The following KCTD8 variants were observed in gnomAD, a reference collection of about 807,000 sequenced individuals.
The protein encoded by KCTD8 is BTB/POZ domain-containing protein KCTD8.
A neutral mutation model predicts 31.5 loss-of-function variants in KCTD8; 27 were observed. That is an observed-to-expected ratio of 0.86 (90% confidence interval 0.63 to 1.18). The LOEUF (loss-of-function observed/expected upper bound fraction) is 1.18. Among genes scored for constraint, KCTD8 ranks in the 50% most tolerant of loss-of-function variants. The pLI, the probability that KCTD8 is intolerant of heterozygous loss-of-function variation, is 0.00. For synonymous variants in KCTD8, 290 were observed against 280.0 expected (o/e 1.04, Z -0.36); for missense variants, 658 against 647.7 (o/e 1.02, Z -0.17).
chr4:44,416,110 G>A (rs991613811), intron 1 of KCTD8, among the ~76,000 whole-genome samples: 2 of 152,216 alleles, frequency 1.3e-5, no homozygotes, highest in African/African-American at 4.8e-5. Context: ...TGCAGGACAT[G>A]GAGTCAAAGG....
intron 1 of KCTD8, among the ~76,000 whole-genome samples, chr4:44,439,426 A>G (rs1004981527): frequency 8.5e-5 from 13 of 152,190 alleles, no homozygotes; most frequent in African/African-American, 3.1e-4. Context: ...TTTTGAACAT[A>G]CATTTAACTA....
intron 1 of KCTD8, among the ~76,000 whole-genome samples, chr4:44,246,890 G>C (rs1017075367): frequency 2.0e-5 from 3 of 151,856 alleles, no homozygotes; most frequent in Non-Finnish European, 2.9e-5. Context: ...TCTCTTCTTT[G>C]CTATTCCATT....
intron 1 of KCTD8, among the ~76,000 whole-genome samples, chr4:44,294,235 G>C (rs1254647162): frequency 6.6e-6 from 1 of 152,086 alleles, no homozygotes; most frequent in Non-Finnish European, 1.5e-5. Flanking sequence ...TCTGGTCCCT[G>C]TTGTCCTGTG....
Position 44,236,492 on chromosome 4 carries a change from C to A in KCTD8, c.962-61242G>T, listed in dbSNP as rs193123043. Among the ~76,000 whole-genome samples the A allele has an allele frequency of 4.6e-3, 704 of 152,200 alleles. 4 individuals are homozygous for A. Among genetic ancestry groups the A allele is most frequent in the Non-Finnish European group, 7.6e-3 (514 of 68,028 alleles). On this transcript the variant is annotated intron_variant, in intron 1 of 1. Coordinates refer to ENST00000360029, the MANE Select transcript of KCTD8 (RefSeq NM_198353.3). ...TTTGGAAGGTGTATTTATTTATTCC[C>A]ATTCTGTTTAGGTCTTTAAATAATT...
At chr4:44,319,571 A>G (rs572500870) in intron 1 of KCTD8, among the ~76,000 whole-genome samples, 1 of 152,262 alleles carries the variant, frequency 6.6e-6, no homozygotes, top group South Asian at 2.1e-4. Context: ...CTTCTACGCC[A>G]TGAGCCCTTC....
intron 1 of KCTD8, among the ~76,000 whole-genome samples, chr4:44,406,865 G>C (rs189644353): frequency 2.0e-5 from 3 of 152,248 alleles, no homozygotes; most frequent in Admixed American, 1.3e-4. Flanking sequence ...AAATGTTTCT[G>C]TTCTCAGGTT....
chr4:44,443,522 T>C (rs1427013010), intron 1 of KCTD8, among the ~76,000 whole-genome samples: 1 of 152,160 alleles, frequency 6.6e-6, no homozygotes, highest in Non-Finnish European at 1.5e-5. Flanking sequence ...AAAAATTCAT[T>C]AAGACAAATT....
At chr4:44,327,461 T>C (rs969027682) in intron 1 of KCTD8, among the ~76,000 whole-genome samples, 3 of 151,890 alleles carry the variant, frequency 2.0e-5, no homozygotes, top group African/African-American at 4.8e-5. Flanking sequence ...TAATAAAGAA[T>C]GTTTGTATAA....
intron 1 of KCTD8, among the ~76,000 whole-genome samples, chr4:44,337,682 T>TAAA (rs1718787154): frequency 6.8e-6 from 1 of 146,926 alleles, no homozygotes; most frequent in South Asian, 2.1e-4. Context: ...TCAAAAAATA[T>TAAA]ATATATATAT....
chr4:44,288,999 A>T (rs528533767), intron 1 of KCTD8, among the ~76,000 whole-genome samples: 18 of 151,568 alleles, frequency 1.2e-4, no homozygotes, highest in South Asian at 2.1e-4. Context: ...TATATATATA[A>T]AAATTTAGTC....
chr4:44,298,770 C>T (rs1238000306), intron 1 of KCTD8, among the ~76,000 whole-genome samples: 1 of 152,146 alleles, frequency 6.6e-6, no homozygotes, highest in Non-Finnish European at 1.5e-5. Context: ...CAGGTGACAA[C>T]ATTTCTGGTC....
intron 1 of KCTD8, among the ~76,000 whole-genome samples, chr4:44,303,624 T>C (rs1472104525): frequency 3.3e-5 from 5 of 152,034 alleles, no homozygotes; most frequent in African/African-American, 1.2e-4. Context: ...AAGACCAGCC[T>C]GGGCAACATA....
chr4:44,429,836 G>A (rs971176939), intron 1 of KCTD8, among the ~76,000 whole-genome samples: 10 of 151,678 alleles, frequency 6.6e-5, no homozygotes, highest in African/African-American at 2.2e-4. Flanking sequence ...AGAAGGGATA[G>A]TTCCTCTACT....
Position 44,447,552 on chromosome 4 carries a change from T to G in KCTD8, c.961+11A>C, listed in dbSNP as rs1376426676. The G allele has an allele frequency of 2.0e-6, 3 of 1,537,962 alleles. No homozygotes were observed. The highest frequency in any genetic ancestry group is 1.8e-6 in the Non-Finnish European group (2 of 1,136,778). ...GAGGGGTGCTGGGAAACGCCGGGGC[T>G]GCGAACTTACGGAAGAAAATGTACT... On this transcript the variant is annotated intron_variant, in intron 1 of 1. Coordinates refer to ENST00000360029, the MANE Select transcript of KCTD8 (RefSeq NM_198353.3).
chr4:44,233,382 A>G (rs1480779337), intron 1 of KCTD8, among the ~76,000 whole-genome samples: 1 of 152,116 alleles, frequency 6.6e-6, no homozygotes. Flanking sequence ...TCTAATAATC[A>G]CAAATACAAT....
At position 44,236,816 on chromosome 4, in the gene KCTD8, GGAACAGATGGGAGA is replaced by G. The variant is rs573194302; in HGVS notation, c.962-61580_962-61567del. ...CCATAATTACCACATGTTGTGGGAGGGAACAGATGGGAGAGAACTGAATCGTGGGGGCAGTTTCC... is the reference window on the plus strand; with the variant it reads ...CCATAATTACCACATGTTGTGGGAGGGAACTGAATCGTGGGGGCAGTTTCC... On this transcript the variant is annotated intron_variant, in intron 1 of 1. Coordinates refer to ENST00000360029, the MANE Select transcript of KCTD8 (RefSeq NM_198353.3). Among the ~76,000 whole-genome samples, 69 of 152,158 alleles carry G rather than the reference GGAACAGATGGGAGA, an allele frequency of 4.5e-4. 1 individual carries two copies. In the East Asian group the frequency reaches 0.012, roughly 27 times the overall value.
intron 1 of KCTD8, among the ~76,000 whole-genome samples, chr4:44,302,639 A>G (rs1294192793): frequency 6.6e-6 from 1 of 151,986 alleles, no homozygotes; most frequent in African/African-American, 2.4e-5. Context: ...GGGGTTTTCT[A>G]GATATACAAT....
intron 1 of KCTD8, among the ~76,000 whole-genome samples, chr4:44,222,574 G>A (rs1484448656): frequency 6.6e-6 from 1 of 152,162 alleles, no homozygotes; most frequent in Non-Finnish European, 1.5e-5. Flanking sequence ...GATACCTGGT[G>A]TACCTGAGTG....
intron 1 of KCTD8, among the ~76,000 whole-genome samples, chr4:44,272,494 G>A (rs1476262562): frequency 6.6e-6 from 1 of 151,982 alleles, no homozygotes; most frequent in Non-Finnish European, 1.5e-5. Flanking sequence ...TAAAATATGT[G>A]TAGAATGAAG....
Sources: gnomAD v4.1 joint callset for allele counts (sites outside exome capture counted in the v4.1 genomes callset) on GRCh38, gnomAD v4.1.1 for gene constraint, MANE v1.5 for transcripts, NCBI Gene and HGNC (gene_info 2026-07-23, HGNC 2026-07-21) for gene names.